The following CMIP variants were observed in gnomAD, a reference collection of about 807,000 sequenced individuals.
The protein encoded by CMIP is C-Maf-inducing protein.
CMIP carries 13 observed loss-of-function variants against 97.3 expected under a neutral mutation model. That is an observed-to-expected ratio of 0.13 (90% confidence interval 0.09 to 0.21). CMIP has a LOEUF of 0.21. Ranked by LOEUF, CMIP falls within the 10% of genes least tolerant of loss-of-function variation. CMIP has a pLI of 1.00. For missense variants in CMIP, 847 were observed against 1,024.9 expected (o/e 0.83, Z 2.37); for synonymous variants, 538 against 436.3 (o/e 1.23, Z -2.91).
intron 1 of CMIP, among the ~76,000 whole-genome samples, chr16:81,538,823 T>G (rs192844146): frequency 5.1e-5 from 7 of 136,240 alleles, no homozygotes; most frequent in Admixed American, 2.2e-4. Context: ...GATTATCAGG[T>G]TTTTTTTTCA....
At chr16:81,541,724 A>G (rs2090452916) in intron 1 of CMIP, among the ~76,000 whole-genome samples, 2 of 152,204 alleles carry the variant, frequency 1.3e-5, no homozygotes, top group Admixed American at 6.5e-5. Context: ...AGAACTGTAA[A>G]AGAACAGGAA....
intron 1 of CMIP, among the ~76,000 whole-genome samples, chr16:81,590,480 C>T (rs141172934): frequency 6.6e-6 from 1 of 152,204 alleles, no homozygotes; most frequent in Non-Finnish European, 1.5e-5. Context: ...CCTCGCTTCC[C>T]CAAGTGGATG....
At chr16:81,658,726 G>A (rs1455704314) in intron 5 of CMIP, among the ~76,000 whole-genome samples, 4 of 152,258 alleles carry the variant, frequency 2.6e-5, no homozygotes, top group Admixed American at 1.3e-4. Flanking sequence ...AGAAGCAGGC[G>A]GATGGGAGAT....
At chr16:81,507,458 G>A (rs770990035) in intron 1 of CMIP, among the ~76,000 whole-genome samples, 3 of 152,152 alleles carry the variant, frequency 2.0e-5, no homozygotes, top group Admixed American at 6.5e-5. Flanking sequence ...GGATTCAGAG[G>A]GAAAAGATTA....
chr16:81,592,761 C>CT lies in CMIP; in HGVS notation c.301-14803dup, dbSNP rs549951803. 5.5e-4 allele frequency among the ~76,000 whole-genome samples: 84 copies of CT among 152,348 alleles called. 2 individuals are homozygous for CT. The South Asian group carries it at 9.7e-3, about 18-fold the overall frequency. On this transcript the variant is annotated intron_variant, in intron 1 of 20. Transcript: ENST00000537098. ...GAACTGGGGAGTCTTAGCAGTGCCCCTTTCCCAGGATCCTTGGGAAGTATC... is the reference window on the plus strand; with the variant it reads ...GAACTGGGGAGTCTTAGCAGTGCCCCTTTTCCCAGGATCCTTGGGAAGTATC...
intron 1 of CMIP, among the ~76,000 whole-genome samples, chr16:81,457,364 C>T (rs1020154889): frequency 1.3e-5 from 2 of 152,146 alleles, no homozygotes; most frequent in Admixed American, 6.5e-5. Flanking sequence ...TGACGACAAT[C>T]TTACAAAATC....
chr16:81,673,970 T>C (rs1023206276), intron 9 of CMIP, among the ~76,000 whole-genome samples: 5 of 152,170 alleles, frequency 3.3e-5, no homozygotes, highest in Admixed American at 2.0e-4. Flanking sequence ...GCTGAAAACC[T>C]GTACAGGGGG....
rs775749623 is a variant in CMIP at position 81,652,153 on chromosome 16, C to T, written c.478-50C>T. ...TTCTTTGATTGTCTTCCATCTTCTG[C>T]CTTCCTTACGTGAGTAACATGTTGC... On this transcript the variant is annotated intron_variant, in intron 3 of 20. Transcript: ENST00000537098. The surrounding 1 kb of genome is among the most constrained non-coding windows in gnomAD (Gnocchi z 5.2). 6.2e-6 allele frequency: 9 copies of T among 1,459,212 alleles called. No individual in the cohort carries two copies. The South Asian group carries it at 8.1e-5, about 13-fold the overall frequency. 90.4% of individuals were successfully genotyped at this position (1,459,212 alleles called of 1,614,324 possible).
chr16:81,517,957 C>T, intron 1 of CMIP: 1 of 975,976 alleles, frequency 1.0e-6, no homozygotes. Flanking sequence ...AAATGAACGC[C>T]AGTGGATGTG....
chr16:81,589,081 CCTTTTCTTTCTTTGTTTTT>C (rs2091427398), intron 1 of CMIP, among the ~76,000 whole-genome samples: 1 of 148,812 alleles, frequency 6.7e-6, no homozygotes, highest in Admixed American at 6.7e-5. Flanking sequence ...TTTTTTTTTT[CCTTTTCTTTCTTTGTTTTT>C]CTTTTCTTTT....
intron 1 of CMIP, among the ~76,000 whole-genome samples, chr16:81,497,495 C>A (rs2150773209): frequency 6.6e-6 from 1 of 152,298 alleles, no homozygotes. Context: ...AGAAGGGTCT[C>A]TGGAAGCAAG....
chr16:81,449,182 T>A (rs1253555042), intron 1 of CMIP, among the ~76,000 whole-genome samples: 1 of 152,238 alleles, frequency 6.6e-6, no homozygotes, highest in Admixed American at 6.5e-5. Flanking sequence ...ACACGGTATT[T>A]CAGAATGGTG....
At chr16:81,628,241 G>A (rs893003044) in intron 3 of CMIP, among the ~76,000 whole-genome samples, 2 of 152,118 alleles carry the variant, frequency 1.3e-5, no homozygotes, top group African/African-American at 4.8e-5. Flanking sequence ...GCCTCCCTGG[G>A]GAAGAGCCAC....
intron 1 of CMIP, among the ~76,000 whole-genome samples, chr16:81,590,039 G>A (rs574149617): frequency 1.3e-5 from 2 of 150,926 alleles, no homozygotes; most frequent in South Asian, 4.1e-4. Flanking sequence ...TGACTGCAGG[G>A]GCTGCCCTCA....
chr16:81,605,980 G>A (rs778379082), intron 1 of CMIP, among the ~76,000 whole-genome samples: 46 of 152,288 alleles, frequency 3.0e-4, no homozygotes, highest in Admixed American at 7.2e-4. Flanking sequence ...GGAAATTGAG[G>A]CAGCTTCAGC....
intron 1 of CMIP, among the ~76,000 whole-genome samples, chr16:81,454,687 TCCCTCC>T (rs1310464227): frequency 6.6e-6 from 1 of 152,208 alleles, no homozygotes; most frequent in Non-Finnish European, 1.5e-5. Flanking sequence ...GACATACTCT[TCCCTCC>T]CAAGGGACTC....
intron 7 of CMIP, 143 bp from the exon 8 acceptor site, chr16:81,669,999 G>C: frequency 1.4e-6 from 1 of 693,608 alleles, no homozygotes; most frequent in Non-Finnish European, 2.4e-6. Flanking sequence ...GTGCTTTCCA[G>C]AGGGTTGGTG....
chr16:81,632,676 C>T (rs1372195219), intron 3 of CMIP, among the ~76,000 whole-genome samples: 1 of 152,226 alleles, frequency 6.6e-6, no homozygotes, highest in African/African-American at 2.4e-5. Context: ...AGCCCCCCAA[C>T]ACGGAAGCCT....
chr16:81,541,105 T>C (rs1263632750), intron 1 of CMIP, among the ~76,000 whole-genome samples: 1 of 152,066 alleles, frequency 6.6e-6, no homozygotes, highest in Admixed American at 6.5e-5. Context: ...TATATAAGTA[T>C]ATTATTCTTG....
Sources: gnomAD v4.1 joint callset for allele counts (sites outside exome capture counted in the v4.1 genomes callset) on GRCh38, gnomAD v4.1.1 for gene constraint, Gnocchi (gnomAD v3.1) non-coding constraint, MANE v1.5 for transcripts, NCBI Gene and HGNC (gene_info 2026-07-23, HGNC 2026-07-21) for gene names.